CCDC178: variants seen among roughly 807,000 people sequenced by gnomAD.
The protein encoded by CCDC178 is coiled-coil domain-containing protein 178.
A neutral mutation model predicts 117.4 loss-of-function variants in CCDC178; 126 were observed. That is an observed-to-expected ratio of 1.07 (90% CI 0.93 to 1.24). The LOEUF is 1.24. Ranked by LOEUF, CCDC178 falls within the 50% of genes most tolerant of loss-of-function variation. The pLI is 0.00. For synonymous variants in CCDC178, 283 were observed against 313.4 expected, an observed-to-expected ratio of 0.90 and a Z score of 1.02; for missense variants, 1,030 against 986.9, an observed-to-expected ratio of 1.04 and a Z score of -0.59.
intron 9 of CCDC178, among the ~76,000 whole-genome samples, chr18:33,333,677 T>C (rs1490957845): frequency 1.3e-5 from 2 of 151,900 alleles, no homozygotes; most frequent in Non-Finnish European, 2.9e-5. Context: ...CATGTCTGGC[T>C]AATTTTGTAT....
intron 12 of CCDC178, among the ~76,000 whole-genome samples, chr18:33,284,421 A>C (rs1276978816): frequency 6.6e-6 from 1 of 152,252 alleles, no homozygotes; most frequent in Non-Finnish European, 1.5e-5. Context: ...TAAAGCTTTT[A>C]AAATTGATTG....
chr18:33,434,842 AG>A (rs2064267769), intron 2 of CCDC178, among the ~76,000 whole-genome samples: 1 of 152,122 alleles, frequency 6.6e-6, no homozygotes, highest in South Asian at 2.1e-4. Flanking sequence ...ATCTAGATGT[AG>A]GAGAAGGAAG....
At chr18:33,435,459 G>C (rs940620004) in intron 2 of CCDC178, among the ~76,000 whole-genome samples, 2 of 151,892 alleles carry the variant, frequency 1.3e-5, no homozygotes, top group African/African-American at 2.4e-5. Flanking sequence ...ATTCAAAAAA[G>C]TATTCAATAT....
At chr18:33,302,327 T>C (rs2062187357) in intron 11 of CCDC178, among the ~76,000 whole-genome samples, 1 of 152,224 alleles carries the variant, frequency 6.6e-6, no homozygotes, top group Non-Finnish European at 1.5e-5. Context: ...CAGGTATTTC[T>C]TTATTGCAAT....
chr18:33,017,503 T>G (rs1453020462), intron 21 of CCDC178, among the ~76,000 whole-genome samples: 1 of 151,968 alleles, frequency 6.6e-6, no homozygotes, highest in Admixed American at 6.6e-5. Flanking sequence ...ATTGTTAACA[T>G]GGCAATACTT....
chr18:33,179,590 C>A (rs561543033), intron 20 of CCDC178, among the ~76,000 whole-genome samples: 1 of 151,952 alleles, frequency 6.6e-6, no homozygotes, highest in South Asian at 2.1e-4. Flanking sequence ...GGAAATATAA[C>A]CCAAGTGTGA....
chr18:33,086,289 CTTAT>C (rs1567979266), intron 21 of CCDC178, among the ~76,000 whole-genome samples: 1 of 151,262 alleles, frequency 6.6e-6, no homozygotes, highest in African/African-American at 2.4e-5. Flanking sequence ...ATAAATAATA[CTTAT>C]TTTTTATTAA....
At chr18:32,996,617 G>A (rs918127381) in intron 21 of CCDC178, among the ~76,000 whole-genome samples, 6 of 151,894 alleles carry the variant, frequency 4.0e-5, no homozygotes, top group African/African-American at 1.4e-4. Context: ...ATTTCAAACT[G>A]TTAAAATATG....
At chr18:33,421,524 A>G (rs937722048) in intron 2 of CCDC178, among the ~76,000 whole-genome samples, 5 of 152,262 alleles carry the variant, frequency 3.3e-5, no homozygotes, top group Non-Finnish European at 4.4e-5. Flanking sequence ...TTTATAACAC[A>G]GAAATCAGCA....
Position 33,343,752 on chromosome 18 carries a change from A to G in CCDC178, c.658+2459T>C, listed in dbSNP as rs2062847343. On this transcript the variant is annotated intron_variant, in intron 9 of 22. Transcript: ENST00000383096. Reference sequence around the variant, plus strand: ...ATCTAGAAAGAAGTGAGTTTCCTTAATTTTATTTTTGAAAAGTATCTAAAT... The same window carrying G: ...ATCTAGAAAGAAGTGAGTTTCCTTAGTTTTATTTTTGAAAAGTATCTAAAT... 3.9e-5 allele frequency among the ~76,000 whole-genome samples: 6 copies of G among 152,308 alleles called. No individual in the cohort carries two copies. The South Asian group carries it at 1.2e-3, about 32-fold the overall frequency.
At chr18:33,239,179 A>G (rs1474523180) in intron 15 of CCDC178, among the ~76,000 whole-genome samples, 3 of 152,106 alleles carry the variant, frequency 2.0e-5, no homozygotes, top group Non-Finnish European at 4.4e-5. Context: ...GCAAAACTAT[A>G]AGACTCACTG....
intron 12 of CCDC178, among the ~76,000 whole-genome samples, chr18:33,281,864 A>G (rs1364418264): frequency 6.6e-6 from 1 of 152,240 alleles, no homozygotes; most frequent in Non-Finnish European, 1.5e-5. Flanking sequence ...GATATTTATT[A>G]CAGCTTTGTT....
intron 5 of CCDC178, among the ~76,000 whole-genome samples, chr18:33,375,991 A>G (rs1191185412): frequency 6.6e-6 from 1 of 152,200 alleles, no homozygotes; most frequent in Non-Finnish European, 1.5e-5. Flanking sequence ...AGAAAAGAAG[A>G]AAAGTACAAC....
At chr18:33,230,850 A>T (rs1430385207) in intron 15 of CCDC178, among the ~76,000 whole-genome samples, 1 of 152,238 alleles carries the variant, frequency 6.6e-6, no homozygotes, top group Non-Finnish European at 1.5e-5. Flanking sequence ...CACTGAAGGA[A>T]GACTGCCTTC....
At chr18:32,953,418 T>C (rs1426938166) in intron 22 of CCDC178, among the ~76,000 whole-genome samples, 4 of 152,170 alleles carry the variant, frequency 2.6e-5, no homozygotes, top group Non-Finnish European at 5.9e-5. Flanking sequence ...TTTCCAAACT[T>C]TCCACATTTT....
In CCDC178 at chr18:33,297,582, G is replaced by A. The variant is rs568053580; in HGVS notation, c.1023-4270C>T. On this transcript the variant is annotated intron_variant, in intron 11 of 22. Transcript: ENST00000383096. ...TAAAATAAATAACCTAGAGGAAATC[G>A]ATAAATTCCTAGACACATACAACCT... 2.6e-5 allele frequency among the ~76,000 whole-genome samples: 4 copies of A among 152,164 alleles called. No homozygotes were observed. The South Asian group carries it at 6.2e-4, about 24-fold the overall frequency.
At chr18:33,349,120 G>A (rs2062936761) in intron 7 of CCDC178, 145 bp from the exon 8 acceptor site, 1 of 506,262 alleles carries the variant, frequency 2.0e-6, no homozygotes, top group Non-Finnish European at 3.5e-6. Context: ...GACTAATATA[G>A]CAAAATTCTA....
intron 7 of CCDC178, among the ~76,000 whole-genome samples, chr18:33,353,358 A>G (rs531136070): frequency 1.3e-5 from 2 of 152,156 alleles, no homozygotes; most frequent in South Asian, 4.2e-4. Flanking sequence ...CCATTCTACC[A>G]TGCTCTACCT....
intron 20 of CCDC178, among the ~76,000 whole-genome samples, chr18:33,104,023 C>T (rs2057667148): frequency 6.6e-6 from 1 of 151,672 alleles, no homozygotes; most frequent in Non-Finnish European, 1.5e-5. Flanking sequence ...TAAATCAGCT[C>T]ATAAAGGAAA....
Sources: gnomAD v4.1 joint callset for allele counts (sites outside exome capture counted in the v4.1 genomes callset) on GRCh38, gnomAD v4.1.1 for gene constraint, MANE v1.5 for transcripts, NCBI Gene and HGNC (gene_info 2026-07-23, HGNC 2026-07-21) for gene names.